CFAP46: variants seen among roughly 807,000 people sequenced by gnomAD.
CFAP46 encodes the protein cilia and flagella associated protein 46, also known as cilia- and flagella-associated protein 46.
In CFAP46, 245 loss-of-function variants were observed where a neutral mutation model predicts 325.7. That is an observed-to-expected ratio of 0.75 (90% CI 0.68 to 0.84). CFAP46 has a LOEUF of 0.84. Ranked by LOEUF, CFAP46 falls within the 40% of genes least tolerant of loss-of-function variation. The probability of loss-of-function intolerance (pLI) is 0.00; values close to 1 mark genes in which losing one functional copy is unlikely to be tolerated. For missense variants in CFAP46, 3,346 were observed against 3,543.0 expected (o/e 0.94, Z 1.41); for synonymous variants, 1,523 against 1,495.9 (o/e 1.02, Z -0.42).
At chr10:132,903,158 G>A (rs1036457596) in intron 22 of CFAP46, among the ~76,000 whole-genome samples, 9 of 151,546 alleles carry the variant, frequency 5.9e-5, no homozygotes, top group Non-Finnish European at 1.0e-4. Flanking sequence ...GTGTCTTTCT[G>A]AATGCCTGGA....
Position 132,867,383 on chromosome 10 carries a change from T to C in CFAP46, c.4735A>G (p.Lys1579Glu). Residue 1579 changes from lysine (K) to glutamate (E), a missense_variant, in exon 34 of 58, where the codon AAG becomes GAG. Physicochemically the swap from Lys to Glu is moderately conservative, Grantham distance 56. Transcript: ENST00000368586. ...QPGEIKPLDAKDKILKMNGET... is the reference protein window; with the variant it reads ...QPGEIKPLDAEDKILKMNGET... The stretch of plus-strand genomic sequence containing the variant: ...CTGGACGGTGAGGTTACCTTGTCCT[T>C]GGCGTCCAGTGGTTTGATCTCCCCA... The C allele has an allele frequency of 2.6e-6, 4 of 1,549,836 alleles. No homozygotes were observed. The highest frequency in any genetic ancestry group is 2.7e-5 in the African/African-American group (2 of 73,118).
intron 50 of CFAP46, among the ~76,000 whole-genome samples, chr10:132,823,144 T>A (rs1437244763): frequency 1.4e-5 from 2 of 140,942 alleles, no homozygotes; most frequent in Non-Finnish European, 1.5e-5. Flanking sequence ...CTCTGTGTGC[T>A]GATGTGTGCT....
chr10:132,891,270 T>A (rs7082465), intron 25 of CFAP46, among the ~76,000 whole-genome samples: 1 of 152,112 alleles, frequency 6.6e-6, no homozygotes, highest in Non-Finnish European at 1.5e-5. Context: ...TGGGCCCTCC[T>A]CTCGGCCAAG....
At chr10:132,821,221 GT>G (rs1334816180) in intron 50 of CFAP46, among the ~76,000 whole-genome samples, 1 of 134,554 alleles carries the variant, frequency 7.4e-6, no homozygotes, top group Non-Finnish European at 1.6e-5. Flanking sequence ...GCTGTGTGCT[GT>G]GTGTGTGCTG....
chr10:132,922,730 AG>A, intron 11 of CFAP46, 22 bp from the exon 12 acceptor site: 1 of 1,532,940 alleles, frequency 6.5e-7, no homozygotes. Context: ...GCGTGGCATC[AG>A]GGGCCCTGGC....
rs981002948 is a variant in CFAP46, at chr10:132,847,394, G to A, written c.5953-73C>T. ...GTCGGCGTGGGGAGGGCCCACCCAG[G>A]GAGGCCGGGGTGGTCGGGCTCCTCA... On this transcript the variant is annotated intron_variant, in intron 41 of 57. Coordinates refer to ENST00000368586, the MANE Select transcript of CFAP46 (RefSeq NM_001200049.3). The surrounding 1 kb of genome is among the most constrained non-coding windows in gnomAD (Gnocchi z 5.2). The A allele has an allele frequency of 6.3e-6, 10 of 1,584,940 alleles. No individual in the cohort carries two copies. Among genetic ancestry groups the A allele is most frequent in the Non-Finnish European group, 8.6e-6 (10 of 1,161,560 alleles).
chr10:132,908,198 G>C (rs1849485208), intron 22 of CFAP46: 1 of 497,716 alleles, frequency 2.0e-6, no homozygotes, highest in South Asian at 2.1e-5. Context: ...CCTGTGGGAA[G>C]CTTTCTGGAC....
intron 55 of CFAP46, among the ~76,000 whole-genome samples, chr10:132,812,276 C>T (rs1180476980): frequency 6.6e-6 from 1 of 152,144 alleles, no homozygotes; most frequent in East Asian, 1.9e-4. Flanking sequence ...CTGCCAAAAG[C>T]CCCCCCTGTG....
In CFAP46 at chr10:132,818,472, C is replaced by G. The variant is rs183475515; in HGVS notation, c.7118-3558G>C. Among the ~76,000 whole-genome samples the G allele has an allele frequency of 3.5e-3, 537 of 152,214 alleles. 7 individuals carry two copies. The highest frequency in any genetic ancestry group is 2.0e-3 in the Non-Finnish European group (139 of 68,018). ...CTAACAGTGAAAAGCACAAAGCTTT[C>G]ACCTAAGATCAGAAACAAGGCAAGG... On this transcript the variant is annotated intron_variant, in intron 50 of 57. Coordinates refer to ENST00000368586, the MANE Select transcript of CFAP46 (RefSeq NM_001200049.3).
At position 132,808,811 on chromosome 10, in the gene CFAP46, GGCA is replaced by G; in HGVS notation, c.7755_7757del (p.Ala2587del). 3 of 1,608,378 alleles carry G rather than the reference GGCA, an allele frequency of 1.9e-6. No homozygotes were observed. The highest frequency in any genetic ancestry group is 2.5e-6 in the Non-Finnish European group (3 of 1,177,798). On this transcript the variant is annotated inframe_deletion, in exon 58 of 58. Transcript: ENST00000368586. This position sits in a 1 kb window ranked among gnomAD's most constrained non-coding sequence, Gnocchi z 6.8. ...CCTGCACTACCCGATGGCTTGGTGC[GGCA>G]GCCCATACAGGACCAAGTTGAGCGT...
chr10:132,856,026 C>T (rs956467111), intron 39 of CFAP46, among the ~76,000 whole-genome samples: 3 of 152,232 alleles, frequency 2.0e-5, no homozygotes, highest in Non-Finnish European at 2.9e-5. Context: ...CCACTGAGGA[C>T]GCCTTCCTTC....
chr10:132,919,977 C>G lies in CFAP46; in HGVS notation c.1730+82G>C. ...CAGACGGCCACATGCAGGGTCAGCTCAGCCGCCACAGACACTGGCCCTCGG... is the reference window on the plus strand; with the variant it reads ...CAGACGGCCACATGCAGGGTCAGCTGAGCCGCCACAGACACTGGCCCTCGG... On this transcript the variant is annotated intron_variant, in intron 14 of 57. Transcript: ENST00000368586. This position sits in a 1 kb window ranked among gnomAD's most constrained non-coding sequence, Gnocchi z 9.7. The G allele has an allele frequency of 1.4e-6, 2 of 1,420,312 alleles. No individual in the cohort carries two copies. The highest frequency in any genetic ancestry group is 5.4e-5 in the East Asian group (2 of 37,194). The allele number at this position is 1,420,312 out of a possible 1,614,324, so 88.0% of individuals were successfully genotyped here. A position where few individuals can be genotyped will look rare whatever the true frequency, so the allele number is the denominator to read the frequency against.
At chr10:132,878,383 T>C (rs758028452) in intron 29 of CFAP46, among the ~76,000 whole-genome samples, 3 of 152,172 alleles carry the variant, frequency 2.0e-5, no homozygotes, top group Non-Finnish European at 4.4e-5. Flanking sequence ...CCCCTGGCCC[T>C]GGGGCTCCCT....
Position 132,924,719 on chromosome 10 carries a change from C to A in CFAP46, c.1233G>T (p.Ala411=), listed in dbSNP as rs768406605. The A allele has an allele frequency of 1.3e-6, 2 of 1,538,258 alleles. No homozygotes were observed. Among genetic ancestry groups the A allele is most frequent in the South Asian group, 2.4e-5 (2 of 83,136 alleles). The change falls in exon 11 of 58, where the codon GCG becomes GCT. Residue 411 remains alanine, a synonymous_variant. Coordinates refer to ENST00000368586, the MANE Select transcript of CFAP46 (RefSeq NM_001200049.3). ...ACCTGTCCAGCTTCTCCAGCACGTC[C>A]GCAACGCCAGCCAGGGGCTTCCGCA... The part of the protein sequence containing the change: ...HHLRKPLAGV[A]DVLEKLDSLM...
intron 9 of CFAP46, among the ~76,000 whole-genome samples, chr10:132,927,266 G>A (rs1186680805): frequency 1.3e-5 from 2 of 152,202 alleles, no homozygotes; most frequent in Non-Finnish European, 2.9e-5. Flanking sequence ...CGCTGATGAT[G>A]GTGAAGCATC....
In CFAP46 at chr10:132,808,895, G is replaced by A; in HGVS notation, c.7674C>T (p.Phe2558=). Reference sequence around the variant, plus strand: ...CAGCAGCTTGTCCTTCAAGGTCTGAGAAGCCTCGTCTGTGGAGAAAGGGGC... The same window carrying A: ...CAGCAGCTTGTCCTTCAAGGTCTGAAAAGCCTCGTCTGTGGAGAAAGGGGC... ...WRRGGEPRRG[F]SDLEGQAAAA... Residue 2558 remains phenylalanine (F), a synonymous_variant, in exon 58 of 58, where the codon TTC becomes TTT. Coordinates refer to ENST00000368586, the MANE Select transcript of CFAP46 (RefSeq NM_001200049.3). This position sits in a 1 kb window ranked among gnomAD's most constrained non-coding sequence, Gnocchi z 6.8. 1 of 1,587,456 alleles carries A rather than the reference G, an allele frequency of 6.3e-7. No homozygotes were observed. The highest frequency in any genetic ancestry group is 1.1e-5 in the South Asian group (1 of 88,750).
chr10:132,859,347 A>T, intron 37 of CFAP46, 100 bp from the exon 38 acceptor site: 1 of 1,045,596 alleles, frequency 9.6e-7, no homozygotes, highest in Non-Finnish European at 1.3e-6. Flanking sequence ...TCATCCAGGG[A>T]TGCTCGGAGA....
rs549980933 is a variant in CFAP46, at chr10:132,832,396, C to A, written c.7117+962G>T. Reference sequence around the variant, plus strand: ...ACCCCTGGGCTCTTCCTGCCCCCCCCCCCCAATGCTGTGGCCTGGAAATTC... The same window carrying A: ...ACCCCTGGGCTCTTCCTGCCCCCCCACCCCAATGCTGTGGCCTGGAAATTC... On this transcript the variant is annotated intron_variant, in intron 50 of 57. Coordinates refer to ENST00000368586, the MANE Select transcript of CFAP46 (RefSeq NM_001200049.3). The surrounding 1 kb of genome is among the most constrained non-coding windows in gnomAD (Gnocchi z 4.1). Among the ~76,000 whole-genome samples, 15 of 142,204 alleles carry A rather than the reference C, an allele frequency of 1.1e-4. No homozygotes were observed. The highest frequency in any genetic ancestry group is 2.1e-4 in the Admixed American group (3 of 14,440). 93.3% of individuals were successfully genotyped at this position (142,204 alleles called of 152,430 possible). A position where few individuals can be genotyped will look rare whatever the true frequency, so the allele number is the denominator to read the frequency against.
Position 132,847,284 on chromosome 10 carries a change from A to G in CFAP46, c.5990T>C (p.Leu1997Pro). ...TGTGGCACCCTCTTCCTCTACCTCC[A>G]GCTCCAGAGACTTGAGGCCGCTCAG... is the stretch of plus-strand genomic sequence containing the variant. ...AKLSGLKSLE[L>P]EVEEEGATKS... is the part of the protein sequence containing the mutation. Residue 1997 changes from leucine to proline, a missense_variant, in exon 42 of 58, where the codon CTG becomes CCG. Transcript: ENST00000368586. The surrounding 1 kb of genome is among the most constrained non-coding windows in gnomAD (Gnocchi z 5.2). 1 of 1,613,460 alleles carries G rather than the reference A, an allele frequency of 6.2e-7. No homozygotes were observed. Among genetic ancestry groups the G allele is most frequent in the Non-Finnish European group, 8.5e-7 (1 of 1,179,912 alleles).
Sources: allele counts gnomAD v4.1 joint callset (sites outside exome capture counted in the v4.1 genomes callset), GRCh38; gene constraint gnomAD v4.1.1; non-coding constraint Gnocchi (gnomAD v3.1); transcripts MANE v1.5; gene names NCBI Gene and HGNC (gene_info 2026-07-23, HGNC 2026-07-21).